PCDHA6: variants seen among roughly 807,000 people sequenced by gnomAD.
PCDHA6 encodes protocadherin alpha 6, also known as protocadherin alpha-6.
PCDHA6 carries 55 observed loss-of-function variants against 60.3 expected under a neutral mutation model. The ratio of observed to expected loss-of-function variants is 0.91; its 90% CI spans 0.73 to 1.14. The LOEUF (loss-of-function observed/expected upper bound fraction) is 1.14. Among genes scored for constraint, PCDHA6 ranks in the 50% most tolerant of loss-of-function variants. PCDHA6 has a pLI of 0.00. For synonymous variants in PCDHA6, 652 were observed against 557.9 expected, an observed-to-expected ratio of 1.17 and a Z score of -2.38; for missense variants, 1,327 against 1,256.5, an observed-to-expected ratio of 1.06 and a Z score of -0.85.
chr5:140,936,780 T>C (rs2091148034), intron 1 of PCDHA6, among the ~76,000 whole-genome samples: 1 of 152,224 alleles, frequency 6.6e-6, no homozygotes, highest in Non-Finnish European at 1.5e-5. Flanking sequence ...TCTCTCACTT[T>C]GTTATTCTGC....
chr5:140,903,958 T>G (rs960235173), intron 1 of PCDHA6, among the ~76,000 whole-genome samples: 1 of 152,236 alleles, frequency 6.6e-6, no homozygotes, highest in Non-Finnish European at 1.5e-5. Context: ...GAAAATTATT[T>G]GTTGATTTTT....
chr5:140,829,229 G>A lies in PCDHA6; in HGVS notation c.1138G>A (p.Gly380Ser), dbSNP rs1554131821. 6.2e-7 allele frequency: 1 copy of A among 1,614,122 alleles called. No homozygotes were observed. Among genetic ancestry groups the A allele is most frequent in the East Asian group, 2.2e-5 (1 of 44,894 alleles). The change falls in exon 1 of 4, where the codon GGT becomes AGT. Residue 380 changes from glycine to serine, a missense_variant. Coordinates refer to ENST00000529310, the MANE Select transcript of PCDHA6 (RefSeq NM_018909.4). ...ALISVNDLDS[G>S]ANGQVNCSLT... Reference sequence around the variant, plus strand: ...AATTAGCGTGAACGACCTCGATTCAGGTGCCAACGGGCAGGTGAACTGCTC... The same window carrying A: ...AATTAGCGTGAACGACCTCGATTCAAGTGCCAACGGGCAGGTGAACTGCTC...
At position 140,911,726 on chromosome 5, in the gene PCDHA6, G is replaced by GTTCGTGCCAAGGAC. The variant is rs372287116; in HGVS notation, c.2395-67221_2395-67208dup. On this transcript the variant is annotated intron_variant, in intron 1 of 3. Transcript: ENST00000529310. ...TTTATTTTGTGTAACTCTGTAAACAGTTCGTGCCAAGGACTATCAGTGTTC... is the reference window on the plus strand; with the variant it reads ...TTTATTTTGTGTAACTCTGTAAACAGTTCGTGCCAAGGACTTCGTGCCAAGGACTATCAGTGTTC... Among the ~76,000 whole-genome samples, 876 of 152,272 alleles carry GTTCGTGCCAAGGAC rather than the reference G, an allele frequency of 5.8e-3. 6 individuals are homozygous for GTTCGTGCCAAGGAC. The highest frequency in any genetic ancestry group is 0.018 in the African/African-American group (761 of 41,552).
intron 1 of PCDHA6, chr5:140,863,602 T>G: frequency 1.4e-5 from 5 of 354,858 alleles, no homozygotes; most frequent in South Asian, 1.1e-4. Flanking sequence ...TTCATTCCTA[T>G]TAATGTCCCT....
At chr5:140,997,849 T>C (rs1554256029) in intron 3 of PCDHA6, among the ~76,000 whole-genome samples, 1 of 152,208 alleles carries the variant, frequency 6.6e-6, no homozygotes, top group African/African-American at 2.4e-5. Flanking sequence ...TACATTCTTA[T>C]ACATATTTCT....
chr5:140,924,531 G>A (rs1194516404), intron 1 of PCDHA6, among the ~76,000 whole-genome samples: 2 of 152,070 alleles, frequency 1.3e-5, no homozygotes, highest in African/African-American at 2.4e-5. Flanking sequence ...GAGAATGCCC[G>A]AGCTACCCCT....
At chr5:140,997,840 A>G (rs2097788062) in intron 3 of PCDHA6, among the ~76,000 whole-genome samples, 2 of 152,216 alleles carry the variant, frequency 1.3e-5, no homozygotes, top group Non-Finnish European at 2.9e-5. Flanking sequence ...AATACAATAT[A>G]CATTCTTATA....
chr5:140,869,973 C>A (rs782664221), intron 1 of PCDHA6: 2 of 1,613,100 alleles, frequency 1.2e-6, no homozygotes, highest in Admixed American at 1.7e-5. Context: ...ATGGAAGACA[C>A]TTATTTACAC....
intron 1 of PCDHA6, chr5:140,876,256 A>T: frequency 1.9e-6 from 3 of 1,614,042 alleles, no homozygotes; most frequent in Non-Finnish European, 2.5e-6. Context: ...CACAAGAGTG[A>T]TCCAACTAAA....
intron 1 of PCDHA6, among the ~76,000 whole-genome samples, chr5:140,891,210 G>A (rs2062986388): frequency 1.3e-5 from 2 of 152,180 alleles, no homozygotes; most frequent in South Asian, 4.1e-4. Context: ...TTACCATGCT[G>A]TGTCTTTATA....
In PCDHA6 at chr5:140,882,697, A is replaced by G. The variant is rs145968658; in HGVS notation, c.2394+52212A>G. 60 of 1,614,238 alleles carry G rather than the reference A, an allele frequency of 3.7e-5. No homozygotes were observed. The African/African-American group carries it at 6.5e-4, about 18-fold the overall frequency. On this transcript the variant is annotated intron_variant, in intron 1 of 3. Transcript: ENST00000529310. ...AAAGCAAGAAACGAATAATCATTGC[A>G]GAATCTAGACCTCCGGAAACTCGAT...
At chr5:140,860,697 ATTG>A (rs1191589465) in intron 1 of PCDHA6, 2 of 152,170 alleles carry the variant, frequency 1.3e-5, no homozygotes, top group African/African-American at 4.8e-5. Context: ...GCGACAGGAT[ATTG>A]TTGTTCTCCA....
intron 1 of PCDHA6, among the ~76,000 whole-genome samples, chr5:140,903,136 A>C (rs1554190778): frequency 6.6e-6 from 1 of 152,212 alleles, no homozygotes; most frequent in Non-Finnish European, 1.5e-5. Flanking sequence ...AGAAATCTCC[A>C]AACTGTTTTC....
chr5:140,834,552 G>A (rs2150220823), intron 1 of PCDHA6: 3 of 1,614,094 alleles, frequency 1.9e-6, no homozygotes, highest in Non-Finnish European at 8.5e-7. Flanking sequence ...GCTGGAGCTG[G>A]CGGAGCTGGT....
chr5:140,928,474 C>T, intron 1 of PCDHA6: 1 of 1,614,090 alleles, frequency 6.2e-7, no homozygotes, highest in Non-Finnish European at 8.5e-7. Flanking sequence ...AGTAGAAGGC[C>T]GGGATGGTGG....
chr5:140,928,974 A>G (rs772759035), intron 1 of PCDHA6: 2 of 1,613,574 alleles, frequency 1.2e-6, no homozygotes, highest in Non-Finnish European at 1.7e-6. Flanking sequence ...TTTCCTTTTT[A>G]TTTCTGGGGT....
chr5:140,896,594 C>G (rs1583238277), intron 1 of PCDHA6, among the ~76,000 whole-genome samples: 1 of 150,950 alleles, frequency 6.6e-6, no homozygotes, highest in Non-Finnish European at 1.5e-5. Flanking sequence ...CCAGGCTGGT[C>G]TCGAACTCCT....
At chr5:140,843,733 T>C (rs2150365726) in intron 1 of PCDHA6, 1 of 1,549,552 alleles carries the variant, frequency 6.5e-7, no homozygotes. Flanking sequence ...CATTTAAATT[T>C]AGAACTCATA....
chr5:140,966,712 TG>T, intron 1 of PCDHA6: 1 of 1,392,090 alleles, frequency 7.2e-7, no homozygotes, highest in South Asian at 1.6e-5. Context: ...GGGGCACGGC[TG>T]GGGAAGCTGC....
Sources: gnomAD v4.1 joint callset for allele counts (sites outside exome capture counted in the v4.1 genomes callset) on GRCh38, gnomAD v4.1.1 for gene constraint, MANE v1.5 for transcripts, NCBI Gene and HGNC (gene_info 2026-07-23, HGNC 2026-07-21) for gene names.